The following CEP112 variants were observed in gnomAD, a reference collection of about 807,000 sequenced individuals.
CEP112 encodes the protein centrosomal protein 112, also known as centrosomal protein of 112 kDa.
A neutral mutation model predicts 153.0 loss-of-function variants in CEP112; 127 were observed. That is an observed-to-expected ratio of 0.83 (90% CI 0.72 to 0.96). The LOEUF is 0.96. CEP112 is among the 40% of genes least tolerant of loss of function. The pLI is 0.00. For synonymous variants in CEP112, 358 were observed against 374.4 expected (o/e 0.96, Z 0.51); for missense variants, 1,089 against 1,101.2 (o/e 0.99, Z 0.16).
chr17:65,886,907 A>C (rs1241812621), intron 20 of CEP112, among the ~76,000 whole-genome samples: 1 of 152,176 alleles, frequency 6.6e-6, no homozygotes, highest in Non-Finnish European at 1.5e-5. Context: ...TTACTCAAAA[A>C]AACGAGCTGG....
At position 66,164,886 on chromosome 17, in the gene CEP112, ATGTGTGTG is replaced by A. The variant is rs57252258; in HGVS notation, c.470+10150_470+10157del. On this transcript the variant is annotated intron_variant, in intron 4 of 26. Transcript: ENST00000535342. ...AATATATATATATATACACACATAT[ATGTGTGTG>A]TGTGTGTGTGTGTGTGTGTGTGTGT... Among the ~76,000 whole-genome samples, 665 of 137,596 alleles carry A rather than the reference ATGTGTGTG, an allele frequency of 4.8e-3. 2 individuals are homozygous for A. Among genetic ancestry groups the A allele is most frequent in the Admixed American group, 7.0e-3 (94 of 13,508 alleles). 90.3% of individuals were successfully genotyped at this position (137,596 alleles called of 152,430 possible).
intron 20 of CEP112, among the ~76,000 whole-genome samples, chr17:65,880,708 G>C (rs1348760630): frequency 6.6e-6 from 1 of 152,216 alleles, no homozygotes; most frequent in Non-Finnish European, 1.5e-5. Flanking sequence ...GAGGTGTGAA[G>C]ACGTGCTCTG....
intron 16 of CEP112, among the ~76,000 whole-genome samples, chr17:66,011,918 A>G (rs1045270067): frequency 9.9e-5 from 15 of 152,244 alleles, no homozygotes; most frequent in African/African-American, 3.4e-4. Context: ...TTGGGTGCAT[A>G]TATATTTAGG....
chr17:65,772,843 C>G (rs1388223833), intron 21 of CEP112, among the ~76,000 whole-genome samples: 2 of 151,772 alleles, frequency 1.3e-5, no homozygotes, highest in African/African-American at 4.8e-5. Context: ...ATATGAGATA[C>G]CCTACATGAG....
intron 17 of CEP112, among the ~76,000 whole-genome samples, chr17:65,978,647 G>T (rs1171262774): frequency 6.6e-6 from 1 of 152,186 alleles, no homozygotes; most frequent in Non-Finnish European, 1.5e-5. Flanking sequence ...CCCCATAAGG[G>T]TTACATTTAT....
chr17:66,046,191 T>TG (rs956497583), intron 12 of CEP112, among the ~76,000 whole-genome samples: 4 of 152,014 alleles, frequency 2.6e-5, no homozygotes, highest in Admixed American at 1.3e-4. Flanking sequence ...TACAAGCGCA[T>TG]GCTGCCACGC....
intron 17 of CEP112, among the ~76,000 whole-genome samples, chr17:65,972,387 T>C (rs1033620276): frequency 1.3e-5 from 2 of 152,248 alleles, no homozygotes; most frequent in African/African-American, 4.8e-5. Context: ...GAGATGCTGC[T>C]AACAATGTAC....
chr17:65,837,246 G>A (rs540403634), intron 21 of CEP112, among the ~76,000 whole-genome samples: 92 of 151,812 alleles, frequency 6.1e-4, no homozygotes, highest in African/African-American at 2.1e-3. Flanking sequence ...AGTGAGGAGC[G>A]TCTCTGCCTG....
At chr17:66,139,828 T>A (rs974030108) in intron 4 of CEP112, among the ~76,000 whole-genome samples, 5 of 152,168 alleles carry the variant, frequency 3.3e-5, no homozygotes, top group Admixed American at 6.5e-5. Context: ...CAGAACCAGA[T>A]GACTTCACTG....
chr17:65,640,869 G>A (rs2045094662), intron 25 of CEP112, 95 bp downstream of exon 25: 1 of 760,412 alleles, frequency 1.3e-6, no homozygotes. Context: ...ACATCACATT[G>A]ATTTCTGGCA....
intron 21 of CEP112, among the ~76,000 whole-genome samples, chr17:65,778,477 C>T (rs2053809145): frequency 6.6e-6 from 1 of 152,116 alleles, no homozygotes; most frequent in African/African-American, 2.4e-5. Context: ...ACATGCATGG[C>T]TGTTCTATAG....
chr17:65,649,435 G>C (rs2045621757), intron 24 of CEP112, among the ~76,000 whole-genome samples: 1 of 151,976 alleles, frequency 6.6e-6, no homozygotes, highest in South Asian at 2.1e-4. Flanking sequence ...GTGTGCATGA[G>C]GCCAGGTGTG....
chr17:65,883,447 G>A (rs1408881830), intron 20 of CEP112, among the ~76,000 whole-genome samples: 4 of 151,888 alleles, frequency 2.6e-5, no homozygotes, highest in Non-Finnish European at 4.4e-5. Context: ...TGTAACCTCC[G>A]CCTCCTGGGT....
intron 18 of CEP112, among the ~76,000 whole-genome samples, chr17:65,960,224 T>C (rs2062149842): frequency 6.6e-6 from 1 of 152,190 alleles, no homozygotes; most frequent in East Asian, 1.9e-4. Flanking sequence ...ATTCATATGA[T>C]AAAATAAATT....
chr17:65,973,803 C>T (rs4239076), intron 17 of CEP112, among the ~76,000 whole-genome samples: 72,846 of 151,826 alleles, frequency 0.48, 18,451 homozygotes, highest in East Asian at 0.89. Flanking sequence ...CATATGTTCA[C>T]ACGTATATCT....
chr17:65,838,395 C>A (rs2057400764), intron 21 of CEP112, among the ~76,000 whole-genome samples: 1 of 152,000 alleles, frequency 6.6e-6, no homozygotes, highest in South Asian at 2.1e-4. Context: ...GCAGACCCCT[C>A]AATAAGAAAT....
intron 24 of CEP112, among the ~76,000 whole-genome samples, chr17:65,650,116 G>A (rs1295968286): frequency 6.6e-6 from 1 of 152,202 alleles, no homozygotes; most frequent in African/African-American, 2.4e-5. Flanking sequence ...CCAATGCCCT[G>A]TGCTTTTTCT....
intron 21 of CEP112, among the ~76,000 whole-genome samples, chr17:65,839,760 T>C (rs117232378): frequency 0.027 from 4,045 of 152,082 alleles, 93 homozygotes; most frequent in South Asian, 0.058. Flanking sequence ...CATGATCATA[T>C]ATTAAGAAAA....
At chr17:65,985,262 G>A (rs2063365400) in intron 17 of CEP112, among the ~76,000 whole-genome samples, 1 of 152,112 alleles carries the variant, frequency 6.6e-6, no homozygotes, top group African/African-American at 2.4e-5. Flanking sequence ...TCAAAATGGA[G>A]GAAGATGCAA....
Sources: allele counts gnomAD v4.1 joint callset (sites outside exome capture counted in the v4.1 genomes callset), GRCh38; gene constraint gnomAD v4.1.1; transcripts MANE v1.5; gene names NCBI Gene and HGNC (gene_info 2026-07-23, HGNC 2026-07-21).